The following VEPH1 variants were observed in gnomAD, a reference collection of about 807,000 sequenced individuals.
VEPH1 encodes ventricular zone expressed PH domain containing 1.
In VEPH1, 80 loss-of-function variants were observed where a neutral mutation model predicts 85.2. The ratio of observed to expected loss-of-function variants is 0.94; its 90% CI spans 0.78 to 1.13. The LOEUF is 1.13. VEPH1 is among the 50% of genes most tolerant of loss of function. The probability of loss-of-function intolerance (pLI) is 0.00; values close to 1 mark genes in which losing one functional copy is unlikely to be tolerated. For missense variants in VEPH1, 955 were observed against 980.5 expected (o/e 0.97, Z 0.35); for synonymous variants, 297 against 348.0 (o/e 0.85, Z 1.63).
chr3:157,462,117 T>G (rs1735932495), intron 3 of VEPH1, among the ~76,000 whole-genome samples: 1 of 148,880 alleles, frequency 6.7e-6, no homozygotes, highest in Admixed American at 6.7e-5. Context: ...ACTCTTCCAA[T>G]CCATAAGAAA....
chr3:157,323,476 GTT>G (rs1721572115), intron 9 of VEPH1, among the ~76,000 whole-genome samples: 1 of 152,176 alleles, frequency 6.6e-6, no homozygotes, highest in African/African-American at 2.4e-5. Context: ...CTTGCCTAGT[GTT>G]TACTAAGTTC....
At chr3:157,375,845 C>T (rs1728034058) in intron 7 of VEPH1, among the ~76,000 whole-genome samples, 1 of 152,178 alleles carries the variant, frequency 6.6e-6, no homozygotes, top group South Asian at 2.1e-4. Flanking sequence ...CTCATAATCA[C>T]TACCACCATC....
At position 157,495,276 on chromosome 3, in the gene VEPH1, T is replaced by C; in HGVS notation, c.74A>G (p.Asp25Gly). 1 of 1,614,026 alleles carries C rather than the reference T, an allele frequency of 6.2e-7. No individual in the cohort carries two copies. Among genetic ancestry groups the C allele is most frequent in the Non-Finnish European group, 8.5e-7 (1 of 1,179,922 alleles). The change falls in exon 2 of 14, where the codon GAC becomes GGC. Residue 25 changes from aspartate (D) to glycine (G), a missense_variant. Asp to Gly is a moderately conservative substitution (Grantham distance 94). Transcript: ENST00000362010. ...SRAGDLFSLD[D>G]SEIEDSLTEA... is the part of the protein sequence containing the mutation. ...TGTAAGGCTGTCTTCAATCTCAGAG[T>C]CATCTAAGGAGAAGAGGTCCCCAGC...
intron 9 of VEPH1, among the ~76,000 whole-genome samples, chr3:157,362,536 G>C (rs1465280592): frequency 6.6e-6 from 1 of 152,082 alleles, no homozygotes; most frequent in Non-Finnish European, 1.5e-5. Context: ...ACATAAGATG[G>C]TTGAATTTAC....
chr3:157,381,365 C>G lies in VEPH1; in HGVS notation c.918G>C (p.Arg306Ser), dbSNP rs761070103. ...GGCTCACCAGGTATGTCAGGCAGCT[C>G]CTGGCTCTCTCCTACCAAAAACAAT... ...AVGHVDEERA[R>S]SCLTYLVSQL... The change falls in exon 7 of 14, where the codon AGG becomes AGC. Residue 306 changes from arginine (R) to serine (S), a missense_variant. By Grantham distance (110) the Arg-to-Ser change is moderately radical. Coordinates refer to ENST00000362010, the MANE Select transcript of VEPH1 (RefSeq NM_001167912.2). The G allele has an allele frequency of 1.9e-6, 3 of 1,613,942 alleles. No homozygotes were observed. Among genetic ancestry groups the G allele is most frequent in the African/African-American group, 2.7e-5 (2 of 74,884 alleles).
At chr3:157,382,682 T>C (rs1297854901) in intron 6 of VEPH1, among the ~76,000 whole-genome samples, 1 of 152,220 alleles carries the variant, frequency 6.6e-6, no homozygotes, top group Admixed American at 6.5e-5. Flanking sequence ...TCTAGATTAC[T>C]CTTCTCGTTA....
intron 5 of VEPH1, among the ~76,000 whole-genome samples, chr3:157,427,264 G>A (rs141147436): frequency 0.054 from 8,154 of 152,140 alleles, 306 homozygotes; most frequent in Non-Finnish European, 0.083. Context: ...GATTACAGGC[G>A]TGAGCCACCA....
chr3:157,433,291 C>A (rs1355625433), intron 4 of VEPH1, among the ~76,000 whole-genome samples: 1 of 152,106 alleles, frequency 6.6e-6, no homozygotes, highest in Non-Finnish European at 1.5e-5. Context: ...CACGGGTATC[C>A]TTGTGTTAAT....
At position 157,285,819 on chromosome 3, in the gene VEPH1, G is replaced by A. The variant is rs147578651; in HGVS notation, c.2128+738C>T. On this transcript the variant is annotated intron_variant, in intron 12 of 13. Transcript: ENST00000362010. ...AGCATGGGTTCTAGAGTCAGGCTGC[G>A]TTCAAATTCTGCTGCTGTTAATTTA... Among the ~76,000 whole-genome samples, 709 of 152,262 alleles carry A rather than the reference G, an allele frequency of 4.7e-3. 5 individuals carry two copies. Among genetic ancestry groups the A allele is most frequent in the Middle Eastern group, 0.014 (4 of 294 alleles).
At chr3:157,406,784 C>A (rs889773153) in intron 6 of VEPH1, among the ~76,000 whole-genome samples, 3 of 148,920 alleles carry the variant, frequency 2.0e-5, no homozygotes, top group Non-Finnish European at 4.4e-5. Context: ...AGCATCTTGT[C>A]TCTGTTTCTA....
chr3:157,490,422 AG>A (rs1404891889), intron 2 of VEPH1, among the ~76,000 whole-genome samples: 1 of 151,906 alleles, frequency 6.6e-6, no homozygotes, highest in East Asian at 1.9e-4. Flanking sequence ...AAAAGAAAAA[AG>A]AAAAAAAAAA....
chr3:157,396,646 A>C (rs1382610194), intron 6 of VEPH1, among the ~76,000 whole-genome samples: 2 of 152,152 alleles, frequency 1.3e-5, no homozygotes, highest in African/African-American at 4.8e-5. Flanking sequence ...GACTGGTGTG[A>C]GATGATATCT....
rs776551516 is a variant in VEPH1 at position 157,313,736 on chromosome 3, A to G, written c.1895T>C (p.Leu632Pro). The G allele has an allele frequency of 6.2e-7, 1 of 1,614,182 alleles. No homozygotes were observed. The highest frequency in any genetic ancestry group is 1.7e-5 in the Admixed American group (1 of 60,022). The change falls in exon 11 of 14, where the codon CTG becomes CCG. Residue 632 changes from leucine (L) to proline (P), a missense_variant. Coordinates refer to ENST00000362010, the MANE Select transcript of VEPH1 (RefSeq NM_001167912.2). ...LFQQSLFPEP[L>P]SIQSHSVQFL... ...TTGCACAGAATGACTCTGAATGGAC[A>G]GGGGTTCAGGAAACAGGCTCTGAAA...
chr3:157,277,110 C>G (rs1483976085), intron 12 of VEPH1, among the ~76,000 whole-genome samples: 1 of 152,176 alleles, frequency 6.6e-6, no homozygotes, highest in African/African-American at 2.4e-5. Flanking sequence ...AAGCTGATCT[C>G]CAACTCCTGG....
Position 157,317,282 on chromosome 3 carries a change from C to T in VEPH1, c.1736-81G>A, listed in dbSNP as rs567744862. The T allele has an allele frequency of 1.1e-4, 145 of 1,315,796 alleles. No homozygotes were observed. The African/African-American group carries it at 1.9e-3, about 18-fold the overall frequency. 81.5% of individuals were successfully genotyped at this position (1,315,796 alleles called of 1,614,324 possible). On this transcript the variant is annotated intron_variant, in intron 9 of 13. Coordinates refer to ENST00000362010, the MANE Select transcript of VEPH1 (RefSeq NM_001167912.2). ...ATATTGATACTTCAACACACAAATG[C>T]CTTTATAAAATATCCTTCAGTTTTC...
chr3:157,316,360 T>A (rs922237409), intron 10 of VEPH1, among the ~76,000 whole-genome samples: 1 of 151,884 alleles, frequency 6.6e-6, no homozygotes. Context: ...AAAAATACAT[T>A]ATTTTTCAAC....
chr3:157,444,356 G>A (rs1404285665), intron 4 of VEPH1, among the ~76,000 whole-genome samples: 1 of 152,212 alleles, frequency 6.6e-6, no homozygotes, highest in African/African-American at 2.4e-5. Context: ...AGTAAAAGGA[G>A]GTGATTGGAC....
intron 5 of VEPH1, among the ~76,000 whole-genome samples, chr3:157,426,284 G>A (rs1732748260): frequency 1.3e-5 from 2 of 152,194 alleles, no homozygotes; most frequent in South Asian, 4.1e-4. Flanking sequence ...GGTAGAGCAT[G>A]CATCCAAAAC....
chr3:157,395,351 C>A (rs1043618081), intron 6 of VEPH1, among the ~76,000 whole-genome samples: 1 of 152,186 alleles, frequency 6.6e-6, no homozygotes. Context: ...AGGAACAGTG[C>A]CATATAGAGG....
Sources: allele counts gnomAD v4.1 joint callset (sites outside exome capture counted in the v4.1 genomes callset), GRCh38; gene constraint gnomAD v4.1.1; transcripts MANE v1.5; gene names NCBI Gene and HGNC (gene_info 2026-07-23, HGNC 2026-07-21).